Variants in EPHX2 observed in about 807,000 individuals in gnomAD.
EPHX2 encodes bifunctional epoxide hydrolase 2.
In EPHX2, 74 loss-of-function variants were observed where a neutral mutation model predicts 78.7. That is an observed-to-expected ratio of 0.94 (90% CI 0.78 to 1.14). The LOEUF is 1.14. Ranked by LOEUF, EPHX2 falls within the 50% of genes most tolerant of loss-of-function variation. The probability of loss-of-function intolerance (pLI) is 0.00; values close to 1 mark genes in which losing one functional copy is unlikely to be tolerated. For synonymous variants in EPHX2, 251 were observed against 255.2 expected, an observed-to-expected ratio of 0.98 and a Z score of 0.16; for missense variants, 715 against 702.5, an observed-to-expected ratio of 1.02 and a Z score of -0.20.
chr8:27,527,150 G>T (rs1173743744), intron 12 of EPHX2, among the ~76,000 whole-genome samples: 1 of 151,958 alleles, frequency 6.6e-6, no homozygotes, highest in Non-Finnish European at 1.5e-5. Flanking sequence ...GTAGAGACGG[G>T]GTTTCACCAT....
rs766469758 is a variant in EPHX2 at position 27,525,410 on chromosome 8, GT to G, written c.1108del (p.Ser370ProfsTer32). 5 of 1,614,086 alleles carry G rather than the reference GT, an allele frequency of 3.1e-6. No individual in the cohort carries two copies. In the South Asian group the frequency reaches 3.3e-5, roughly 11 times the overall value. On this transcript the variant is annotated frameshift_variant, in exon 12 of 19. Coordinates refer to ENST00000521400, the MANE Select transcript of EPHX2 (RefSeq NM_001979.6). LOFTEE classifies it high-confidence loss of function. ...CCTTCATACCAGCAAATCCCAACATGTCCCCTTTGGAGAGTATCAAAGCCAA... is the reference window on the plus strand; with the variant it reads ...CCTTCATACCAGCAAATCCCAACATGCCCCTTTGGAGAGTATCAAAGCCAA... Reference protein sequence around the residue: ...TPFIPANPNMSPLESIKANPV... With the variant: ...TPFIPANPNMXPLESIKANPV...
chr8:27,531,849 C>T (rs1275343852), intron 12 of EPHX2, among the ~76,000 whole-genome samples: 2 of 152,118 alleles, frequency 1.3e-5, no homozygotes. Context: ...GGGGAGCTCT[C>T]CCTGTTAGGA....
rs777247946 is a variant in EPHX2 at position 27,491,181 on chromosome 8, C to G, written c.-28C>G. ...CGCATCTCCCAGGTTAGCTGCGTGT[C>G]CGGGTGCTAGGCTGCAGACCCGCCG... On this transcript the variant is annotated 5_prime_UTR_variant, in exon 1 of 19. Coordinates refer to ENST00000521400, the MANE Select transcript of EPHX2 (RefSeq NM_001979.6). 3.2e-6 allele frequency: 5 copies of G among 1,555,522 alleles called. No homozygotes were observed. The highest frequency in any genetic ancestry group is 4.3e-6 in the Non-Finnish European group (5 of 1,158,810).
intron 4 of EPHX2, among the ~76,000 whole-genome samples, chr8:27,505,539 G>A (rs1204940693): frequency 1.3e-5 from 2 of 152,214 alleles, no homozygotes; most frequent in Admixed American, 1.3e-4. Flanking sequence ...TCTCCCACCA[G>A]ACACCCTGTG....
chr8:27,515,638 G>T, intron 6 of EPHX2, 80 bp from the exon 7 acceptor site: 1 of 1,183,362 alleles, frequency 8.5e-7, no homozygotes. Context: ...AAACGGCCCT[G>T]GCATTCTGCA....
chr8:27,523,498 T>C (rs774424426), intron 11 of EPHX2, among the ~76,000 whole-genome samples: 6 of 152,178 alleles, frequency 3.9e-5, no homozygotes, highest in Non-Finnish European at 7.4e-5. Flanking sequence ...TAAAGAAACA[T>C]CATCCTAAGC....
chr8:27,523,016 C>T (rs954613617), intron 11 of EPHX2, among the ~76,000 whole-genome samples: 1 of 147,476 alleles, frequency 6.8e-6, no homozygotes, highest in Admixed American at 6.8e-5. Flanking sequence ...TGTTAGGAAG[C>T]GGCACCTGTT....
At position 27,519,440 on chromosome 8, in the gene EPHX2, C is replaced by T. The variant is rs551402130; in HGVS notation, c.945+1368C>T. Among the ~76,000 whole-genome samples the T allele has an allele frequency of 8.7e-4, 132 of 152,360 alleles. 3 individuals are homozygous for T. In the South Asian group the frequency reaches 0.027, roughly 31 times the overall value. On this transcript the variant is annotated intron_variant, in intron 9 of 18. Coordinates refer to ENST00000521400, the MANE Select transcript of EPHX2 (RefSeq NM_001979.6). ...GAACGAGCCTCTCACTGCTCCCCTG[C>T]AGCAGCACAAGGGCAAGCTCTACAG...
At chr8:27,501,886 T>G (rs1185517415) in intron 2 of EPHX2, among the ~76,000 whole-genome samples, 2 of 151,998 alleles carry the variant, frequency 1.3e-5, no homozygotes, top group African/African-American at 4.8e-5. Context: ...ATGCTAAGGC[T>G]ATTTACACTT....
At chr8:27,503,527 T>C in intron 2 of EPHX2, 77 bp from the exon 3 acceptor site, 1 of 1,457,544 alleles carries the variant, frequency 6.9e-7, no homozygotes, top group Non-Finnish European at 9.3e-7. Context: ...AGGGAATGTA[T>C]ATGTTTAGAT....
chr8:27,529,529 C>T (rs911752818), intron 12 of EPHX2, among the ~76,000 whole-genome samples: 4 of 152,146 alleles, frequency 2.6e-5, no homozygotes, highest in African/African-American at 4.8e-5. Context: ...GTCCTTAAAC[C>T]GCACATGTGT....
chr8:27,528,752 C>T (rs1814931007), intron 12 of EPHX2, among the ~76,000 whole-genome samples: 1 of 152,142 alleles, frequency 6.6e-6, no homozygotes, highest in African/African-American at 2.4e-5. Context: ...CTAAGGAAGA[C>T]TCCTTCTGTG....
chr8:27,522,528 TA>T lies in EPHX2; in HGVS notation c.1058+23del. On this transcript the variant is annotated intron_variant, in intron 11 of 18. Transcript: ENST00000521400. Reference sequence around the variant, plus strand: ...AGTGAGGTAATTGGGCCTCGGGCAATAAAGATTTGGAGGAGGCTGGACTTGA... The same window carrying T: ...AGTGAGGTAATTGGGCCTCGGGCAATAAGATTTGGAGGAGGCTGGACTTGA... 6.2e-7 allele frequency: 1 copy of T among 1,611,510 alleles called. No homozygotes were observed.
chr8:27,501,067 C>T, intron 2 of EPHX2, 57 bp downstream of exon 2: 1 of 1,488,790 alleles, frequency 6.7e-7, no homozygotes, highest in Non-Finnish European at 9.3e-7. Context: ...CCTGTGTGCC[C>T]ATCTCCCCGA....
At chr8:27,525,526 T>G in intron 12 of EPHX2, 53 bp downstream of exon 12, 1 of 1,416,300 alleles carries the variant, frequency 7.1e-7, no homozygotes, top group Admixed American at 1.7e-5. Context: ...GCCTTTCCCC[T>G]TCCTGTCTCC....
chr8:27,525,752 G>C (rs1814821100), intron 12 of EPHX2, among the ~76,000 whole-genome samples: 1 of 152,144 alleles, frequency 6.6e-6, no homozygotes, highest in African/African-American at 2.4e-5. Flanking sequence ...GAGTTTTGGG[G>C]CTCAATGCTC....
At position 27,503,606 on chromosome 8, in the gene EPHX2, G is replaced by A. The variant is rs759198021; in HGVS notation, c.189G>A (p.Trp63Ter). The change falls in exon 3 of 19, where the codon TGG becomes TGA. Residue 63 changes from tryptophan (W) to a stop codon, truncating the protein, a stop_gained and splice_region_variant. Coordinates refer to ENST00000521400, the MANE Select transcript of EPHX2 (RefSeq NM_001979.6). LOFTEE classifies it high-confidence loss of function. ...LMKGEITLSQ[W>*]IPLMEENCRK... ...GTCCCCTCACTTCACTTTGACAGTG[G>A]ATACCACTCATGGAAGAAAACTGCA... The A allele has an allele frequency of 3.2e-5, 51 of 1,609,240 alleles. No homozygotes were observed. In the Admixed American group the frequency reaches 3.5e-4, roughly 11 times the overall value.
chr8:27,534,063 G>A (rs7819348), intron 12 of EPHX2, among the ~76,000 whole-genome samples: 1,967 of 152,236 alleles, frequency 0.013, 40 homozygotes, highest in African/African-American at 0.045. Context: ...AATGATGACC[G>A]ACAGCCACAC....
At chr8:27,507,848 A>G (rs1330035948) in intron 5 of EPHX2, among the ~76,000 whole-genome samples, 1 of 152,018 alleles carries the variant, frequency 6.6e-6, no homozygotes, top group Non-Finnish European at 1.5e-5. Context: ...CTTTCTCCCT[A>G]TTTCCTCACT....
Sources: gnomAD v4.1 joint callset for allele counts (sites outside exome capture counted in the v4.1 genomes callset) on GRCh38, gnomAD v4.1.1 for gene constraint, MANE v1.5 for transcripts, NCBI Gene and HGNC (gene_info 2026-07-23, HGNC 2026-07-21) for gene names.